The following TEX2 variants were observed in gnomAD, a reference collection of about 807,000 sequenced individuals.
The protein encoded by TEX2 is testis expressed 2.
TEX2 carries 53 observed loss-of-function variants against 106.9 expected under a neutral mutation model. That is an observed-to-expected ratio of 0.50 (90% confidence interval 0.40 to 0.62). The LOEUF is 0.62. Ranked by LOEUF, TEX2 falls within the 20% of genes least tolerant of loss-of-function variation. The pLI is 0.00. For synonymous variants in TEX2, 523 were observed against 534.8 expected (o/e 0.98, Z 0.30); for missense variants, 1,207 against 1,379.0 (o/e 0.88, Z 1.98).
intron 2 of TEX2, among the ~76,000 whole-genome samples, chr17:64,198,879 A>G (rs183817716): frequency 1.5e-4 from 23 of 152,332 alleles, no homozygotes; most frequent in Non-Finnish European, 2.6e-4. Context: ...GGAATTTCAG[A>G]CAAAAATCCC....
At chr17:64,224,016 G>A (rs1344595861) in intron 1 of TEX2, among the ~76,000 whole-genome samples, 1 of 152,140 alleles carries the variant, frequency 6.6e-6, no homozygotes. Flanking sequence ...ATCCTTCAAG[G>A]TCATTATTCA....
At position 64,188,370 on chromosome 17, in the gene TEX2, A is replaced by C. The variant is rs1306370343; in HGVS notation, c.2222T>G (p.Leu741Arg). The change falls in exon 5 of 12, where the codon CTG becomes CGG. Residue 741 changes from leucine to arginine, a missense_variant. Physicochemically the swap from Leu to Arg is moderately radical, Grantham distance 102 (BLOSUM62 -2). Around this residue, in one of 3 missense-constraint regions of TEX2, gnomAD observed 1,067 missense variants for 1,193.6 expected, o/e 0.89. Transcript: ENST00000584379. ...TTTGCTGCTGCTGCGGCTGTGGGTC[A>C]GGTGCCCGGACGGACTGTTGTGTCT... ...HSRHNSPSGH[L>R]THSRSSSKGS... 1.2e-6 allele frequency: 2 copies of C among 1,614,220 alleles called. No individual in the cohort carries two copies.
At chr17:64,228,939 C>G (rs1417739576) in intron 1 of TEX2, among the ~76,000 whole-genome samples, 4 of 18,850 alleles carry the variant, frequency 2.1e-4, no homozygotes, top group African/African-American at 3.1e-4. Context: ...TACACACACA[C>G]ACACACACAC....
Position 64,212,741 on chromosome 17 carries a change from G to C in TEX2, c.1477C>G (p.His493Asp), listed in dbSNP as rs150988396. Residue 493 changes from histidine to aspartate, a missense_variant, in exon 2 of 12, where the codon CAC becomes GAC. By Grantham distance (81) the His-to-Asp change is moderately conservative. Transcript: ENST00000584379. The part of the protein sequence containing the change: ...VYVYLILPLP[H>D]YVSGLFLGIG... ...CCCAGAAAGAGTCCACTCACATAGT[G>C]GGGGAGGGGGAGGATGAGGTACACA... 2.8e-5 allele frequency: 45 copies of C among 1,614,030 alleles called. No individual in the cohort carries two copies. The highest frequency in any genetic ancestry group is 4.5e-5 in the East Asian group (2 of 44,896).
intron 1 of TEX2, among the ~76,000 whole-genome samples, chr17:64,226,193 C>A (rs782055966): frequency 6.6e-6 from 1 of 152,080 alleles, no homozygotes; most frequent in Admixed American, 6.6e-5. Context: ...TTGGGGATAT[C>A]ATGAGAGCTG....
intron 1 of TEX2, among the ~76,000 whole-genome samples, chr17:64,223,502 C>G (rs541673259): frequency 3.8e-4 from 57 of 151,812 alleles, no homozygotes; most frequent in Non-Finnish European, 7.1e-4. Context: ...ACTCAATTAT[C>G]ACCAACACGT....
At chr17:64,190,533 A>G (rs892108276) in intron 4 of TEX2, among the ~76,000 whole-genome samples, 5 of 152,152 alleles carry the variant, frequency 3.3e-5, no homozygotes, top group Admixed American at 3.3e-4. Flanking sequence ...TGCCCACAGA[A>G]CAGCCTCTTC....
intron 1 of TEX2, among the ~76,000 whole-genome samples, chr17:64,261,853 T>C (rs2034292454): frequency 6.6e-6 from 1 of 152,244 alleles, no homozygotes; most frequent in Non-Finnish European, 1.5e-5. Context: ...GTTTATGGGC[T>C]AGGTAAGAGC....
At chr17:64,229,711 T>C (rs1359728676) in intron 1 of TEX2, among the ~76,000 whole-genome samples, 2 of 152,198 alleles carry the variant, frequency 1.3e-5, no homozygotes, top group African/African-American at 2.4e-5. Context: ...TATACAAGGA[T>C]CTAAATTTTA....
At chr17:64,149,514 T>A (rs1160187232) in intron 11 of TEX2, 1 of 157,874 alleles carries the variant, frequency 6.3e-6, no homozygotes. Context: ...GTGCGATGGT[T>A]CACGCCTGTA....
intron 1 of TEX2, among the ~76,000 whole-genome samples, chr17:64,261,869 G>A (rs1267643120): frequency 6.6e-6 from 1 of 152,202 alleles, no homozygotes; most frequent in Non-Finnish European, 1.5e-5. Context: ...AGAGCTAACA[G>A]AAATGGCAGT....
At chr17:64,204,738 T>C (rs2143982507) in intron 2 of TEX2, among the ~76,000 whole-genome samples, 1 of 152,352 alleles carries the variant, frequency 6.6e-6, no homozygotes, top group East Asian at 1.9e-4. Context: ...TAACGGCTAA[T>C]TATTGAACAA....
At chr17:64,157,979 TTAAC>T (rs1223894570) in intron 8 of TEX2, among the ~76,000 whole-genome samples, 21 of 152,208 alleles carry the variant, frequency 1.4e-4, no homozygotes, top group African/African-American at 4.8e-4. Flanking sequence ...AGCGCTCCCT[TTAAC>T]TAACTCATTC....
intron 1 of TEX2, among the ~76,000 whole-genome samples, chr17:64,225,831 C>T (rs2033491496): frequency 1.3e-5 from 2 of 152,128 alleles, no homozygotes; most frequent in African/African-American, 4.8e-5. Context: ...CATTCTCTTG[C>T]CTCAGCCTCC....
chr17:64,154,129 CAGCTAGACTGTAAATAAT>C (rs2030496599), intron 9 of TEX2, among the ~76,000 whole-genome samples: 1 of 151,464 alleles, frequency 6.6e-6, no homozygotes, highest in Admixed American at 6.5e-5. Flanking sequence ...GAGGGTCAAG[CAGCTAGACTGTAAATAAT>C]ACACACAAAC....
intron 4 of TEX2, among the ~76,000 whole-genome samples, chr17:64,190,376 T>C (rs2032250848): frequency 6.6e-6 from 1 of 152,124 alleles, no homozygotes; most frequent in Admixed American, 6.5e-5. Flanking sequence ...GATTACAGTT[T>C]AGTTAATAGT....
At chr17:64,244,429 T>C (rs1219787446) in intron 1 of TEX2, among the ~76,000 whole-genome samples, 1 of 152,228 alleles carries the variant, frequency 6.6e-6, no homozygotes, top group Non-Finnish European at 1.5e-5. Context: ...ATGTTGACAT[T>C]GTCCAGAGCA....
chr17:64,172,618 A>G (rs2031458560), intron 6 of TEX2, among the ~76,000 whole-genome samples: 1 of 152,182 alleles, frequency 6.6e-6, no homozygotes, highest in African/African-American at 2.4e-5. Flanking sequence ...AAGCCTCTCC[A>G]CACAGCTGCC....
chr17:64,189,756 T>C (rs1192448603), intron 4 of TEX2, among the ~76,000 whole-genome samples: 1 of 151,994 alleles, frequency 6.6e-6, no homozygotes, highest in African/African-American at 2.4e-5. Flanking sequence ...CCGAGACAGA[T>C]GAATCACTTC....
Sources: gnomAD v4.1 joint callset for allele counts (sites outside exome capture counted in the v4.1 genomes callset) on GRCh38, gnomAD v4.1.1 for gene constraint, gnomAD v4.1.1 regional missense constraint, MANE v1.5 for transcripts, NCBI Gene and HGNC (gene_info 2026-07-23, HGNC 2026-07-21) for gene names.